Variants in PCNX2 observed in about 807,000 individuals in gnomAD.
PCNX2 encodes the protein pecanex-like protein 2.
A neutral mutation model predicts 223.8 loss-of-function variants in PCNX2; 168 were observed. The ratio of observed to expected loss-of-function variants is 0.75; its 90% CI spans 0.66 to 0.85. PCNX2 has a LOEUF of 0.85. Among genes scored for constraint, PCNX2 ranks in the 40% least tolerant of loss-of-function variants. The pLI is 0.00. For synonymous variants in PCNX2, 1,006 were observed against 1,052.6 expected (o/e 0.96, Z 0.86); for missense variants, 2,507 against 2,675.5 (o/e 0.94, Z 1.39).
rs141998113 is a variant in PCNX2, at chr1:233,107,667, GAA to G, written c.3838-11806_3838-11805del. On this transcript the variant is annotated intron_variant, in intron 21 of 33. Transcript: ENST00000258229. Reference sequence around the variant, plus strand: ...AGCATGTTTCTTCCACACTTACAATGAAAAAAAAAAAACCCACAAACTTTAAA... The same window carrying G: ...AGCATGTTTCTTCCACACTTACAATGAAAAAAAAAACCCACAAACTTTAAA... 4.7e-4 allele frequency among the ~76,000 whole-genome samples: 69 copies of G among 145,784 alleles called. 1 individual carries two copies. In the East Asian group the frequency reaches 0.011, roughly 23 times the overall value.
chr1:233,312,687 T>G, the PCNX2 span, among the ~76,000 whole-genome samples: 2 of 152,172 alleles, frequency 1.3e-5, no homozygotes, highest in Non-Finnish European at 2.9e-5. Context: ...CAATTATGAA[T>G]GATGATGTAA....
At chr1:233,118,230 C>A (rs1675540854) in intron 21 of PCNX2, among the ~76,000 whole-genome samples, 1 of 152,004 alleles carries the variant, frequency 6.6e-6, no homozygotes, top group Non-Finnish European at 1.5e-5. Context: ...AGAAGGGGAA[C>A]TTTCTCTACT....
intron 23 of PCNX2, among the ~76,000 whole-genome samples, chr1:233,061,353 A>G (rs1672397792): frequency 6.6e-6 from 1 of 152,160 alleles, no homozygotes; most frequent in Admixed American, 6.5e-5. Flanking sequence ...GCTACTAACA[A>G]TCGTATTAGC....
intron 23 of PCNX2, among the ~76,000 whole-genome samples, chr1:233,058,808 G>C (rs1672295516): frequency 6.6e-6 from 1 of 151,836 alleles, no homozygotes; most frequent in Non-Finnish European, 1.5e-5. Context: ...TGGGATTACA[G>C]ACATGCGCCA....
At chr1:232,984,747 G>A in intron 33 of PCNX2, 1 of 371,266 alleles carries the variant, frequency 2.7e-6, no homozygotes, top group South Asian at 4.7e-5. Flanking sequence ...CTGGGGGGAA[G>A]GGGCATTTGT....
intron 23 of PCNX2, among the ~76,000 whole-genome samples, chr1:233,071,871 T>C (rs1157876347): frequency 6.6e-6 from 1 of 152,220 alleles, no homozygotes; most frequent in Admixed American, 6.5e-5. Flanking sequence ...CACTGTGGTT[T>C]TGATTTGCAT....
At chr1:233,295,765 G>T (rs1240225699), upstream of PCNX2, 4 of 320,590 alleles carry the variant, frequency 1.2e-5, no homozygotes, top group East Asian at 2.1e-4. The surrounding 1 kb of genome is among the most constrained non-coding windows in gnomAD (Gnocchi z 4.1). Flanking sequence ...GCTGCTCAGA[G>T]GTTGCTTCCG....
chr1:233,258,596 A>C lies in PCNX2; in HGVS notation c.1266T>G (p.Asn422Lys). ...TTACAGGAATTGAGATCTGCTCGGC[A>C]TTTGGAGAACCGGCCGCCCCTGGGT... Reference protein sequence around the residue: ...PTNPGAAGSPNAEQISIPVIT... With the variant: ...PTNPGAAGSPKAEQISIPVIT... The change falls in exon 5 of 34, where the codon AAT (asparagine) becomes AAG (lysine). Residue 422 changes from asparagine to lysine, a missense_variant. Transcript: ENST00000258229. 1 of 1,613,924 alleles carries C rather than the reference A, an allele frequency of 6.2e-7. No homozygotes were observed. The highest frequency in any genetic ancestry group is 8.5e-7 in the Non-Finnish European group (1 of 1,179,854).
At chr1:233,065,231 A>T (rs1672551886) in intron 23 of PCNX2, among the ~76,000 whole-genome samples, 1 of 152,218 alleles carries the variant, frequency 6.6e-6, no homozygotes, top group African/African-American at 2.4e-5. Flanking sequence ...CTGTGTAAAC[A>T]TACATGTGTG....
chr1:233,252,918 T>G (rs1659542606), intron 5 of PCNX2, 130 bp from the exon 6 acceptor site: 1 of 930,752 alleles, frequency 1.1e-6, no homozygotes, highest in African/African-American at 1.7e-5. Context: ...TGCAAAAGGC[T>G]TTTAAATAAT....
chr1:233,307,419 C>A, the PCNX2 span, among the ~76,000 whole-genome samples: 5 of 152,160 alleles, frequency 3.3e-5, no homozygotes, highest in Admixed American at 6.5e-5. Flanking sequence ...CCATGTGACA[C>A]ACCAGCTCCC....
At chr1:233,107,079 A>C (rs1020541961) in intron 21 of PCNX2, among the ~76,000 whole-genome samples, 1 of 152,174 alleles carries the variant, frequency 6.6e-6, no homozygotes, top group African/African-American at 2.4e-5. Flanking sequence ...GTACAGTGAA[A>C]GTTTCTGTTA....
intron 8 of PCNX2, among the ~76,000 whole-genome samples, chr1:233,244,971 C>A (rs1463027363): frequency 6.6e-6 from 1 of 152,190 alleles, no homozygotes; most frequent in African/African-American, 2.4e-5. Context: ...TTTGATAATC[C>A]CACATTCATC....
intron 8 of PCNX2, among the ~76,000 whole-genome samples, chr1:233,246,630 G>A (rs1340810992): frequency 6.6e-6 from 1 of 152,136 alleles, no homozygotes; most frequent in Non-Finnish European, 1.5e-5. Context: ...AAAGTGCCTC[G>A]TTCAGGGCCA....
At chr1:233,123,424 A>G (rs934748366) in intron 21 of PCNX2, among the ~76,000 whole-genome samples, 12 of 152,148 alleles carry the variant, frequency 7.9e-5, no homozygotes, top group Non-Finnish European at 2.9e-5. Context: ...TACTAAAAAA[A>G]TACAAAAATT....
At chr1:233,119,773 CTT>C (rs1034997288) in intron 21 of PCNX2, among the ~76,000 whole-genome samples, 7 of 151,988 alleles carry the variant, frequency 4.6e-5, no homozygotes, top group African/African-American at 1.7e-4. Flanking sequence ...AAAATTAAAA[CTT>C]TTTGTACTAC....
chr1:233,098,124 T>C (rs1448131368), intron 21 of PCNX2, among the ~76,000 whole-genome samples: 1 of 152,228 alleles, frequency 6.6e-6, no homozygotes, highest in Non-Finnish European at 1.5e-5. Flanking sequence ...CCTCATATGA[T>C]GTATTGCCCC....
rs1380332426 is a variant in PCNX2, at chr1:233,000,484, C to A, written c.5149G>T (p.Ala1717Ser). The A allele has an allele frequency of 1.2e-6, 2 of 1,600,326 alleles. No homozygotes were observed. The highest frequency in any genetic ancestry group is 2.2e-5 in the East Asian group (1 of 44,802). The change falls in exon 30 of 34, where the codon GCC (alanine) becomes TCC (serine). Residue 1717 changes from alanine (A) to serine (S), a missense_variant. Transcript: ENST00000258229. This position sits in a 1 kb window ranked among gnomAD's most constrained non-coding sequence, Gnocchi z 4.6. Reference sequence around the variant, plus strand: ...ACCTTCTTCTCGAAGGACTGGATGGCCTCGTAGAGGACTGCTGGGTCTTCA... The same window carrying A: ...ACCTTCTTCTCGAAGGACTGGATGGACTCGTAGAGGACTGCTGGGTCTTCA... ...EYEDPAVLYE[A>S]IQSFEKKVVI...
chr1:232,998,229 T>C (rs1669945226), intron 32 of PCNX2, 22 bp downstream of exon 32: 2 of 1,513,024 alleles, frequency 1.3e-6, no homozygotes, highest in African/African-American at 1.4e-5. Context: ...ATCGATAGTT[T>C]GGAGGCCCCT....
Sources: allele counts gnomAD v4.1 joint callset (sites outside exome capture counted in the v4.1 genomes callset), GRCh38; gene constraint gnomAD v4.1.1; non-coding constraint Gnocchi (gnomAD v3.1); transcripts MANE v1.5; gene names NCBI Gene and HGNC (gene_info 2026-07-23, HGNC 2026-07-21).